PTK2: variants seen among roughly 807,000 people sequenced by gnomAD.
The protein encoded by PTK2 is focal adhesion kinase 1.
Under a neutral mutation model 150.1 loss-of-function variants are expected in PTK2, and 45 were observed. The ratio of observed to expected loss-of-function variants is 0.30; its 90% confidence interval spans 0.24 to 0.38. The LOEUF is 0.38. Among genes scored for constraint, PTK2 ranks in the 10% least tolerant of loss-of-function variants. The pLI is 1.00. For missense variants in PTK2, 919 were observed against 1,307.3 expected (o/e 0.70, Z 4.58); for synonymous variants, 432 against 449.2 (o/e 0.96, Z 0.48).
intron 22 of PTK2, among the ~76,000 whole-genome samples, chr8:140,722,054 A>G (rs534875139): frequency 6.6e-6 from 1 of 152,252 alleles, no homozygotes; most frequent in Non-Finnish European, 1.5e-5. Context: ...TGACAGGTAA[A>G]TGGATGAATA....
intron 29 of PTK2, among the ~76,000 whole-genome samples, chr8:140,671,072 AC>A (rs970457761): frequency 3.3e-5 from 5 of 152,232 alleles, no homozygotes; most frequent in African/African-American, 1.2e-4. Context: ...CAGTTGATAA[AC>A]CCTCTATAGA....
intron 14 of PTK2, among the ~76,000 whole-genome samples, chr8:140,779,402 A>C (rs1438926605): frequency 6.6e-6 from 1 of 152,086 alleles, no homozygotes; most frequent in Non-Finnish European, 1.5e-5. Flanking sequence ...CCTTGTTCTG[A>C]TATGTGAGAT....
intron 8 of PTK2, 126 bp from the exon 9 acceptor site, chr8:140,819,146 G>C: frequency 1.1e-6 from 1 of 911,076 alleles, no homozygotes; most frequent in African/African-American, 1.7e-5. Flanking sequence ...CTGCCAAAAA[G>C]TATACTTGTC....
intron 10 of PTK2, among the ~76,000 whole-genome samples, chr8:140,804,846 C>A (rs1465892784): frequency 6.6e-6 from 1 of 152,184 alleles, no homozygotes; most frequent in South Asian, 2.1e-4. Context: ...AGGCAGCCCT[C>A]CATTCTCTGG....
chr8:140,885,445 T>G (rs566995377), intron 3 of PTK2, among the ~76,000 whole-genome samples: 1 of 152,244 alleles, frequency 6.6e-6, no homozygotes, highest in African/African-American at 2.4e-5. Flanking sequence ...GTCACAGAAC[T>G]TAAGAAGTTG....
intron 2 of PTK2, chr8:140,920,837 G>T: frequency 6.6e-7 from 1 of 1,523,934 alleles, no homozygotes; most frequent in South Asian, 1.2e-5. Context: ...CACTGGAAAT[G>T]GACTACATCC....
intron 31 of PTK2, among the ~76,000 whole-genome samples, chr8:140,663,663 C>T (rs772203582): frequency 4.3e-4 from 66 of 152,146 alleles, no homozygotes; most frequent in Non-Finnish European, 8.4e-4. Context: ...TATTTTGGGT[C>T]AACTTTTATT....
chr8:140,720,919 C>T (rs1323354408), intron 22 of PTK2, among the ~76,000 whole-genome samples: 1 of 152,080 alleles, frequency 6.6e-6, no homozygotes, highest in Non-Finnish European at 1.5e-5. Flanking sequence ...CCATGCCTGG[C>T]TAATTTTTTG....
At chr8:140,741,691 A>C (rs954596079) in intron 20 of PTK2, among the ~76,000 whole-genome samples, 10 of 152,164 alleles carry the variant, frequency 6.6e-5, no homozygotes, top group Non-Finnish European at 1.5e-5. Flanking sequence ...TAATAGCACA[A>C]TATGGATTTA....
At chr8:140,734,678 A>T (rs1168420693) in intron 22 of PTK2, 1 of 505,134 alleles carries the variant, frequency 2.0e-6, no homozygotes, top group Admixed American at 2.0e-5. Flanking sequence ...GGATGTTTTA[A>T]ATATAAAAAC....
intron 20 of PTK2, among the ~76,000 whole-genome samples, chr8:140,739,547 G>C (rs1325159119): frequency 6.6e-6 from 1 of 152,156 alleles, no homozygotes; most frequent in African/African-American, 2.4e-5. Flanking sequence ...TAAAGTTGTT[G>C]CAAACACAGA....
chr8:140,769,601 C>T lies in PTK2; in HGVS notation c.1178-5311G>A. On this transcript the variant is annotated intron_variant, in intron 14 of 31. Coordinates refer to ENST00000522684, the Ensembl canonical transcript of PTK2. ...GTCCCCACTAATTTCATCTGCAGAT[C>T]CGGGTGGCATGCAAAGAAAGGGAAG... 2 of 1,360,476 alleles carry T rather than the reference C, an allele frequency of 1.5e-6. No individual in the cohort carries two copies. Among genetic ancestry groups the T allele is most frequent in the Non-Finnish European group, 1.9e-6 (2 of 1,025,788 alleles). 84.3% of individuals were successfully genotyped at this position (1,360,476 alleles called of 1,614,324 possible).
At chr8:140,728,375 A>G (rs1384383594) in intron 22 of PTK2, among the ~76,000 whole-genome samples, 1 of 152,148 alleles carries the variant, frequency 6.6e-6, no homozygotes, top group East Asian at 1.9e-4. Flanking sequence ...AAGGATGTCT[A>G]ACTATAACTG....
chr8:140,792,894 G>T (rs942409839), intron 13 of PTK2, among the ~76,000 whole-genome samples: 2 of 152,144 alleles, frequency 1.3e-5, no homozygotes, highest in African/African-American at 4.8e-5. Context: ...AATTGGCTGA[G>T]AATATAAAAT....
chr8:140,818,221 T>G (rs1001816185), intron 10 of PTK2, 56 bp downstream of exon 10: 2 of 1,462,540 alleles, frequency 1.4e-6, no homozygotes, highest in East Asian at 4.5e-5. Flanking sequence ...CCCATTTCCT[T>G]AATTTGATTC....
At chr8:140,659,803 C>T in intron 31 of PTK2, 125 bp from the exon 36 acceptor site, 1 of 800,152 alleles carries the variant, frequency 1.2e-6, no homozygotes. Flanking sequence ...AATCTTCCTG[C>T]CTCAGCCTTC....
At chr8:140,879,369 A>T in intron 4 of PTK2, 102 bp downstream of exon 4, 1 of 1,215,162 alleles carries the variant, frequency 8.2e-7, no homozygotes, top group Non-Finnish European at 1.1e-6. Context: ...TGTAATGACA[A>T]GCAGTGTGAA....
At chr8:140,968,453 A>G (rs1017164905) in intron 1 of PTK2, among the ~76,000 whole-genome samples, 6 of 152,208 alleles carry the variant, frequency 3.9e-5, no homozygotes, top group African/African-American at 1.4e-4. Flanking sequence ...ACATTTACAA[A>G]AGAGTTACAA....
At chr8:140,983,007 T>C (rs891015195) in intron 1 of PTK2, among the ~76,000 whole-genome samples, 16 of 152,202 alleles carry the variant, frequency 1.1e-4, no homozygotes, top group Non-Finnish European at 2.9e-5. Context: ...TTGAAAGAAT[T>C]CTATCTTTCA....
Sources: gnomAD v4.1 joint callset for allele counts (sites outside exome capture counted in the v4.1 genomes callset) on GRCh38, gnomAD v4.1.1 for gene constraint, MANE v1.5 for transcripts, NCBI Gene and HGNC (gene_info 2026-07-23, HGNC 2026-07-21) for gene names.